The following NKAIN2 variants were observed in gnomAD, a reference collection of about 807,000 sequenced individuals.
NKAIN2 encodes the protein sodium/potassium transporting ATPase interacting 2.
NKAIN2 carries 14 observed loss-of-function variants against 32.6 expected under a neutral mutation model. That is an observed-to-expected ratio of 0.43 (90% CI 0.28 to 0.67). NKAIN2 has a LOEUF of 0.67. Ranked by LOEUF, NKAIN2 falls within the 30% of genes least tolerant of loss-of-function variation. The probability of loss-of-function intolerance (pLI) is 0.17; values close to 1 mark genes in which losing one functional copy is unlikely to be tolerated. For missense variants in NKAIN2, 198 were observed against 258.3 expected (o/e 0.77, Z 1.60); for synonymous variants, 80 against 87.2 (o/e 0.92, Z 0.46).
At chr6:124,237,717 T>C (rs1439478307) in intron 1 of NKAIN2, among the ~76,000 whole-genome samples, 2 of 152,054 alleles carry the variant, frequency 1.3e-5, no homozygotes, top group African/African-American at 4.8e-5. Flanking sequence ...ACTAGGAAAG[T>C]GTAGTAAAAT....
At chr6:124,085,346 T>C (rs939570205) in intron 1 of NKAIN2, among the ~76,000 whole-genome samples, 1 of 151,998 alleles carries the variant, frequency 6.6e-6, no homozygotes, top group Non-Finnish European at 1.5e-5. Context: ...AAAAATACAC[T>C]GAATGGCCAG....
intron 3 of NKAIN2, among the ~76,000 whole-genome samples, chr6:124,398,714 C>A (rs1279297516): frequency 1.3e-5 from 2 of 152,014 alleles, no homozygotes; most frequent in Non-Finnish European, 2.9e-5. Context: ...TACGGTGTTA[C>A]AATTGGTAAT....
intron 3 of NKAIN2, among the ~76,000 whole-genome samples, chr6:124,374,260 A>C (rs1000461024): frequency 1.3e-5 from 2 of 152,086 alleles, no homozygotes; most frequent in African/African-American, 4.8e-5. Context: ...CTTCAGTAAA[A>C]TGAGTCAAAG....
chr6:124,276,510 T>A (rs1795039268), intron 1 of NKAIN2, among the ~76,000 whole-genome samples: 1 of 152,098 alleles, frequency 6.6e-6, no homozygotes, highest in African/African-American at 2.4e-5. Context: ...TATATGTGAA[T>A]CCGATCTCTT....
intron 2 of NKAIN2, among the ~76,000 whole-genome samples, chr6:124,315,065 A>G (rs1796888405): frequency 6.6e-6 from 1 of 152,162 alleles, no homozygotes; most frequent in Non-Finnish European, 1.5e-5. Context: ...GGCCAGAAGT[A>G]GTAATGTGCA....
chr6:124,345,447 G>C (rs538098219), intron 2 of NKAIN2, among the ~76,000 whole-genome samples: 1 of 152,246 alleles, frequency 6.6e-6, no homozygotes, highest in Admixed American at 6.5e-5. Flanking sequence ...GAATTTGGCT[G>C]TGAATCCATC....
At chr6:123,979,893 C>T (rs1027220953) in intron 1 of NKAIN2, among the ~76,000 whole-genome samples, 29 of 152,208 alleles carry the variant, frequency 1.9e-4, no homozygotes, top group African/African-American at 7.0e-4. Context: ...TTTTCTCTCT[C>T]TCTCTCCAGT....
chr6:124,158,753 C>T (rs571149316), intron 1 of NKAIN2, among the ~76,000 whole-genome samples: 1 of 152,198 alleles, frequency 6.6e-6, no homozygotes, highest in African/African-American at 2.4e-5. Flanking sequence ...AACTTAATTT[C>T]ACTCTGCATT....
intron 1 of NKAIN2, among the ~76,000 whole-genome samples, chr6:123,891,463 T>C (rs1050242902): frequency 1.1e-4 from 17 of 152,166 alleles, no homozygotes; most frequent in Admixed American, 1.3e-4. Flanking sequence ...CTCTTTTTTT[T>C]CCTTACTCCT....
intron 4 of NKAIN2, among the ~76,000 whole-genome samples, chr6:124,702,104 A>G (rs1431708364): frequency 1.3e-5 from 2 of 152,162 alleles, no homozygotes; most frequent in East Asian, 1.9e-4. Flanking sequence ...AGATACAACA[A>G]TTTCAAATAC....
intron 1 of NKAIN2, among the ~76,000 whole-genome samples, chr6:123,813,321 C>T (rs570903456): frequency 6.6e-6 from 1 of 152,262 alleles, no homozygotes; most frequent in Admixed American, 6.5e-5. Flanking sequence ...CATAATTCAT[C>T]CCGGTGGGCA....
At chr6:123,975,232 G>T (rs754554785) in intron 1 of NKAIN2, among the ~76,000 whole-genome samples, 1 of 152,098 alleles carries the variant, frequency 6.6e-6, no homozygotes, top group Non-Finnish European at 1.5e-5. Flanking sequence ...GGGTTTGAAA[G>T]AAATATTATA....
chr6:124,759,775 C>G lies in NKAIN2; in HGVS notation c.475-31564C>G, dbSNP rs75586541. Among the ~76,000 whole-genome samples the G allele has an allele frequency of 5.6e-3, 845 of 151,924 alleles. 9 individuals are homozygous for G. Among genetic ancestry groups the G allele is most frequent in the African/African-American group, 0.02 (811 of 41,444 alleles). ...GGAAATATATTTCCCAATGCAACAG[C>G]GTTGGGAGGTGGAGCCTAATGAGAG... is the stretch of plus-strand genomic sequence containing the variant. On this transcript the variant is annotated intron_variant, in intron 4 of 6. Coordinates refer to ENST00000368417, the MANE Select transcript of NKAIN2 (RefSeq NM_001040214.3).
intron 1 of NKAIN2, among the ~76,000 whole-genome samples, chr6:124,199,671 C>T (rs1790508532): frequency 6.6e-6 from 1 of 152,128 alleles, no homozygotes; most frequent in South Asian, 2.1e-4. Context: ...TTAAAGATCA[C>T]ATTGTGTAAC....
At chr6:124,529,481 G>C (rs1297513938) in intron 3 of NKAIN2, among the ~76,000 whole-genome samples, 3 of 152,176 alleles carry the variant, frequency 2.0e-5, no homozygotes, top group Non-Finnish European at 4.4e-5. Flanking sequence ...GGGGTGACTA[G>C]AGTTATATTT....
At chr6:124,389,594 A>T (rs1178789315) in intron 3 of NKAIN2, among the ~76,000 whole-genome samples, 1 of 152,036 alleles carries the variant, frequency 6.6e-6, no homozygotes, top group Non-Finnish European at 1.5e-5. Context: ...ACTACCTTAC[A>T]AGTCAGTGTT....
chr6:124,011,157 T>C (rs1398341067), intron 1 of NKAIN2, among the ~76,000 whole-genome samples: 1 of 152,190 alleles, frequency 6.6e-6, no homozygotes. Context: ...GACTTCTTTC[T>C]GGCCACTATT....
At chr6:123,877,071 A>G (rs1582698132) in intron 1 of NKAIN2, among the ~76,000 whole-genome samples, 2 of 152,188 alleles carry the variant, frequency 1.3e-5, no homozygotes, top group East Asian at 3.8e-4. Flanking sequence ...TAAAATTTCT[A>G]GAAAATTATA....
chr6:124,392,804 G>C (rs903929408), intron 3 of NKAIN2, among the ~76,000 whole-genome samples: 1 of 152,110 alleles, frequency 6.6e-6, no homozygotes, highest in Non-Finnish European at 1.5e-5. Context: ...GTGAAAGGCT[G>C]GAGGTCTTAT....
Sources: allele counts gnomAD v4.1 joint callset (sites outside exome capture counted in the v4.1 genomes callset), GRCh38; gene constraint gnomAD v4.1.1; transcripts MANE v1.5; gene names NCBI Gene and HGNC (gene_info 2026-07-23, HGNC 2026-07-21).